PRIM2: variants seen among roughly 807,000 people sequenced by gnomAD.
PRIM2 encodes DNA primase large subunit.
In PRIM2, 39 loss-of-function variants were observed where a neutral mutation model predicts 67.3. That is an observed-to-expected ratio of 0.58 (90% CI 0.45 to 0.76). The LOEUF (loss-of-function observed/expected upper bound fraction) is 0.76, where lower values mean the gene tolerates loss of function less well. Ranked by LOEUF, PRIM2 falls within the 30% of genes least tolerant of loss-of-function variation. The pLI is 0.00. For synonymous variants in PRIM2, 143 were observed against 198.7 expected (o/e 0.72, Z 2.36); for missense variants, 398 against 598.7 (o/e 0.66, Z 3.50).
chr6:57,292,568 G>T, the PRIM2 span, among the ~76,000 whole-genome samples: 1 of 152,296 alleles, frequency 6.6e-6, no homozygotes, highest in East Asian at 1.9e-4. Context: ...AACAAAGTTG[G>T]AGGCATCATG....
chr6:57,544,170 T>G (rs1775237535), intron 10 of PRIM2, among the ~76,000 whole-genome samples: 2 of 152,096 alleles, frequency 1.3e-5, no homozygotes, highest in African/African-American at 4.8e-5. Flanking sequence ...TCTTACAGAC[T>G]GAGAGTATTT....
At chr6:57,315,459 A>G (rs1767463657), upstream of PRIM2, among the ~76,000 whole-genome samples, 1 of 152,190 alleles carries the variant, frequency 6.6e-6, no homozygotes, top group African/African-American at 2.4e-5. Context: ...AGTCATGAAG[A>G]GCCTCAGGGG....
rs566516397 is a variant in PRIM2, at chr6:57,389,111, T to G, written c.693+6943T>G. Among the ~76,000 whole-genome samples, 58 of 152,226 alleles carry G rather than the reference T, an allele frequency of 3.8e-4. 1 individual carries two copies. In the East Asian group the frequency reaches 0.011, roughly 29 times the overall value. ...GTGTGACTATTTATTTTTATTTTTA[T>G]TTTTTATTTTTAGACAGGGTCTCTA... On this transcript the variant is annotated intron_variant, in intron 7 of 13. Coordinates refer to ENST00000615550, the MANE Select transcript of PRIM2 (RefSeq NM_000947.5).
intron 5 of PRIM2, among the ~76,000 whole-genome samples, chr6:57,358,311 A>C (rs1396947171): frequency 6.6e-6 from 1 of 152,228 alleles, no homozygotes; most frequent in Non-Finnish European, 1.5e-5. Context: ...TTGTATTAAA[A>C]TTTATTAGGC....
the PRIM2 span, among the ~76,000 whole-genome samples, chr6:57,240,229 G>A: frequency 6.6e-6 from 1 of 151,512 alleles, no homozygotes; most frequent in Admixed American, 6.6e-5. Context: ...AGCCTCTCAA[G>A]TAGCTGGGAT....
chr6:57,231,822 A>G, the PRIM2 span, among the ~76,000 whole-genome samples: 1 of 147,318 alleles, frequency 6.8e-6, no homozygotes, highest in African/African-American at 2.5e-5. Context: ...GTGCTTGAAA[A>G]TATTAGTATA....
At chr6:57,626,413 G>A (rs1776949699) in intron 12 of PRIM2, among the ~76,000 whole-genome samples, 1 of 152,042 alleles carries the variant, frequency 6.6e-6, no homozygotes, top group Admixed American at 6.6e-5. Flanking sequence ...TATCATCTAT[G>A]TTCCATCACT....
At chr6:57,257,317 G>C in the PRIM2 span, among the ~76,000 whole-genome samples, 1 of 150,478 alleles carries the variant, frequency 6.6e-6, no homozygotes, top group Non-Finnish European at 1.5e-5. Context: ...TGTTGCCCAG[G>C]CTGGAGTGCA....
At chr6:57,398,316 C>T (rs1026572649) in intron 7 of PRIM2, among the ~76,000 whole-genome samples, 39 of 152,010 alleles carry the variant, frequency 2.6e-4, no homozygotes, top group Non-Finnish European at 4.9e-4. Flanking sequence ...TTAACACTGC[C>T]TTAGCTGTAT....
At chr6:57,477,653 G>T (rs1405261376) in intron 7 of PRIM2, among the ~76,000 whole-genome samples, 4 of 152,068 alleles carry the variant, frequency 2.6e-5, no homozygotes, top group African/African-American at 9.7e-5. Flanking sequence ...ACTCGTAATA[G>T]ATATTTTAGT....
chr6:57,493,216 ATC>A (rs1773935919), intron 7 of PRIM2, among the ~76,000 whole-genome samples: 3 of 152,214 alleles, frequency 2.0e-5, no homozygotes, highest in African/African-American at 2.4e-5. Flanking sequence ...CCAAAAAATC[ATC>A]TGTCTTGATC....
At chr6:57,240,135 T>C in the PRIM2 span, among the ~76,000 whole-genome samples, 1 of 141,606 alleles carries the variant, frequency 7.1e-6, no homozygotes, top group Non-Finnish European at 1.5e-5. Flanking sequence ...GTTTTGCTCT[T>C]GTTGCCCAGG....
intron 7 of PRIM2, among the ~76,000 whole-genome samples, chr6:57,460,470 T>C (rs1772967557): frequency 1.3e-5 from 2 of 152,202 alleles, no homozygotes; most frequent in African/African-American, 4.8e-5. Context: ...AAGGATATTA[T>C]TCTGTAATGC....
intron 3 of PRIM2, among the ~76,000 whole-genome samples, chr6:57,322,342 AG>A (rs1425909260): frequency 6.6e-6 from 1 of 152,142 alleles, no homozygotes; most frequent in East Asian, 1.9e-4. Flanking sequence ...GTTTAGGTGC[AG>A]GAATTAGCTT....
chr6:57,252,295 A>G, the PRIM2 span, among the ~76,000 whole-genome samples: 15 of 152,332 alleles, frequency 9.8e-5, no homozygotes, highest in African/African-American at 3.6e-4. Flanking sequence ...GAGGCTCGCT[A>G]TGTACTGGGA....
chr6:57,624,194 C>G (rs1298576943), intron 12 of PRIM2, among the ~76,000 whole-genome samples: 1 of 152,184 alleles, frequency 6.6e-6, no homozygotes, highest in African/African-American at 2.4e-5. Flanking sequence ...TTCTCCGTAT[C>G]TCTAAGCAGG....
rs1197565079 is a variant in PRIM2, at chr6:57,430,875, G to A, written c.693+48707G>A. Among the ~76,000 whole-genome samples, 7 of 152,166 alleles carry A rather than the reference G, an allele frequency of 4.6e-5. No homozygotes were observed. In the South Asian group the frequency reaches 1.5e-3, roughly 32 times the overall value. ...TAGATTCTTTGGATAATTTTTAAGTGTATCCTCTGTTGACTTCAGGCATTT... is the reference window on the plus strand; with the variant it reads ...TAGATTCTTTGGATAATTTTTAAGTATATCCTCTGTTGACTTCAGGCATTT... On this transcript the variant is annotated intron_variant, in intron 7 of 13. Transcript: ENST00000615550.
chr6:57,483,893 G>T (rs1773685928), intron 7 of PRIM2, among the ~76,000 whole-genome samples: 1 of 152,300 alleles, frequency 6.6e-6, no homozygotes, highest in African/African-American at 2.4e-5. Context: ...ATGTAAGCCA[G>T]TATTGGTCTA....
the PRIM2 span, among the ~76,000 whole-genome samples, chr6:57,260,346 A>G: frequency 1.3e-5 from 2 of 152,208 alleles, no homozygotes; most frequent in Non-Finnish European, 2.9e-5. Flanking sequence ...GTGGTCCTGA[A>G]GAGTTGTGGG....
Sources: allele counts gnomAD v4.1 joint callset (sites outside exome capture counted in the v4.1 genomes callset), GRCh38; gene constraint gnomAD v4.1.1; transcripts MANE v1.5; gene names NCBI Gene and HGNC (gene_info 2026-07-23, HGNC 2026-07-21).